The following FBXO15 variants were observed in gnomAD, a reference collection of about 807,000 sequenced individuals.
FBXO15 encodes F-box protein 15, also known as F-box only protein 15.
Under a neutral mutation model 49.5 loss-of-function variants are expected in FBXO15, and 30 were observed. The observed-to-expected ratio is 0.61, with a 90% confidence interval of 0.45 to 0.82. FBXO15 has a LOEUF of 0.82. Among genes scored for constraint, FBXO15 ranks in the 40% least tolerant of loss-of-function variants. FBXO15 has a pLI of 0.00. For synonymous variants in FBXO15, 250 were observed against 232.7 expected, an observed-to-expected ratio of 1.07 and a Z score of -0.68; for missense variants, 591 against 631.5, an observed-to-expected ratio of 0.94 and a Z score of 0.69.
At chr18:74,133,333 G>C (rs12605154) in intron 3 of FBXO15, among the ~76,000 whole-genome samples, 7,546 of 152,202 alleles carry the variant, frequency 0.05, 265 homozygotes, top group East Asian at 0.12. Context: ...AACATCACTA[G>C]AGCCATGCTC....
chr18:74,086,922 C>A (rs1912766520), intron 8 of FBXO15, among the ~76,000 whole-genome samples: 1 of 152,174 alleles, frequency 6.6e-6, no homozygotes, highest in Admixed American at 6.5e-5. Context: ...ACAAGCATAT[C>A]TCAGACGTAC....
chr18:74,127,770 G>T (rs1266364942), intron 5 of FBXO15, among the ~76,000 whole-genome samples: 2 of 152,208 alleles, frequency 1.3e-5, no homozygotes, highest in African/African-American at 4.8e-5. Flanking sequence ...TGGGCACTAT[G>T]TAGTATCTAT....
rs368269522 is a variant in FBXO15, at chr18:74,087,020, A to C, written c.1139-4969T>G. On this transcript the variant is annotated intron_variant, in intron 8 of 9. Coordinates refer to ENST00000419743, the MANE Select transcript of FBXO15 (RefSeq NM_001142958.2). ...TTTTCTGGTTTCCCAATGCATATAA[A>C]AGTTATGTTTATACTATACTCTTTT... Among the ~76,000 whole-genome samples the C allele has an allele frequency of 3.9e-5, 6 of 152,326 alleles. No individual in the cohort carries two copies. The East Asian group carries it at 9.6e-4, about 24-fold the overall frequency.
chr18:74,081,253 G>A (rs147862921), intron 9 of FBXO15, among the ~76,000 whole-genome samples: 34 of 152,332 alleles, frequency 2.2e-4, no homozygotes, highest in African/African-American at 7.2e-4. Flanking sequence ...GGCCCCCGCA[G>A]TCACAGGAGA....
intron 3 of FBXO15, among the ~76,000 whole-genome samples, chr18:74,131,025 A>G (rs1568178594): frequency 6.6e-6 from 1 of 152,236 alleles, no homozygotes; most frequent in Non-Finnish European, 1.5e-5. Flanking sequence ...TTGTTTTTAA[A>G]TACATACATG....
chr18:74,082,167 G>T, intron 8 of FBXO15, 116 bp from the exon 9 acceptor site: 1 of 1,014,934 alleles, frequency 9.9e-7, no homozygotes. Flanking sequence ...TGGCCTCAGC[G>T]ATGAGGGCAA....
chr18:74,144,887 C>T (rs1421831984), intron 1 of FBXO15, among the ~76,000 whole-genome samples: 1 of 152,102 alleles, frequency 6.6e-6, no homozygotes, highest in Non-Finnish European at 1.5e-5. Context: ...ACTTGTGTGT[C>T]CCGAATTTAT....
chr18:74,091,016 T>C (rs1049336805), intron 8 of FBXO15, among the ~76,000 whole-genome samples: 4 of 152,208 alleles, frequency 2.6e-5, no homozygotes, highest in African/African-American at 7.2e-5. Flanking sequence ...CTATTATTGT[T>C]TGGTTATCTA....
Position 74,123,477 on chromosome 18 carries a change from C to A in FBXO15, c.1029G>T (p.Leu343Phe). ...PYELPPHSPFLDDSPEYGLHG... is the reference protein window; with the variant it reads ...PYELPPHSPFFDDSPEYGLHG... ...GCAGTCCATACTCGGGGCTATCATC[C>A]AAAAAGGGGCTATGTGGAGGCAGTT... The change falls in exon 8 of 10, where the codon TTG becomes TTT. Residue 343 changes from leucine (L) to phenylalanine (F), a missense_variant. Physicochemically the swap from Leu to Phe is conservative, Grantham distance 22. Coordinates refer to ENST00000419743, the MANE Select transcript of FBXO15 (RefSeq NM_001142958.2). 6.2e-7 allele frequency: 1 copy of A among 1,611,228 alleles called. No homozygotes were observed. Among genetic ancestry groups the A allele is most frequent in the Non-Finnish European group, 8.5e-7 (1 of 1,179,054 alleles).
chr18:74,141,640 C>G (rs1209250575), intron 1 of FBXO15, among the ~76,000 whole-genome samples: 1 of 152,068 alleles, frequency 6.6e-6, no homozygotes. Flanking sequence ...TGAACCAACC[C>G]CCCTGAAAGC....
intron 8 of FBXO15, among the ~76,000 whole-genome samples, chr18:74,116,906 T>C (rs17205450): frequency 0.021 from 3,120 of 152,104 alleles, 45 homozygotes; most frequent in South Asian, 0.043. Flanking sequence ...CGAGCCAGGC[T>C]TCACAGGTCT....
At chr18:74,080,862 T>C (rs1327686778) in intron 9 of FBXO15, among the ~76,000 whole-genome samples, 1 of 152,226 alleles carries the variant, frequency 6.6e-6, no homozygotes, top group Non-Finnish European at 1.5e-5. Context: ...CAAATTATTT[T>C]TAAAAATTAT....
intron 6 of FBXO15, 113 bp from the exon 7 acceptor site, chr18:74,124,684 A>G (rs776097736): frequency 2.4e-6 from 2 of 849,276 alleles, no homozygotes; most frequent in Non-Finnish European, 4.0e-6. Flanking sequence ...ACTTTCTTAC[A>G]AACATAAGAT....
intron 8 of FBXO15, 106 bp from the exon 9 acceptor site, chr18:74,082,157 T>C: frequency 8.1e-7 from 1 of 1,227,376 alleles, no homozygotes; most frequent in Non-Finnish European, 1.1e-6. Context: ...TGGTAAGCCC[T>C]GGCCTCAGCG....
chr18:74,141,272 C>T (rs958642633), intron 1 of FBXO15, among the ~76,000 whole-genome samples: 10 of 152,168 alleles, frequency 6.6e-5, no homozygotes, highest in African/African-American at 2.2e-4. Context: ...CAGCTCACAG[C>T]CTCCATGTCT....
intron 8 of FBXO15, among the ~76,000 whole-genome samples, chr18:74,104,510 C>T (rs1306304816): frequency 2.6e-5 from 4 of 152,014 alleles, no homozygotes; most frequent in African/African-American, 9.7e-5. Context: ...GAAATAGAAT[C>T]TAACTATATG....
intron 1 of FBXO15, among the ~76,000 whole-genome samples, chr18:74,145,310 T>C (rs909802260): frequency 3.3e-5 from 5 of 152,120 alleles, no homozygotes; most frequent in Admixed American, 2.0e-4. Flanking sequence ...TTTCACACTT[T>C]TAAAACGTCA....
At chr18:74,078,883 G>A (rs1464585626) in intron 9 of FBXO15, among the ~76,000 whole-genome samples, 5 of 152,116 alleles carry the variant, frequency 3.3e-5, no homozygotes, top group East Asian at 3.9e-4. Flanking sequence ...TTCTTCCTGC[G>A]ATTTTCGGTT....
rs1435232448 is a variant in FBXO15 at position 74,147,665 on chromosome 18, G to T, written c.116+5C>A. 3 of 1,453,890 alleles carry T rather than the reference G, an allele frequency of 2.1e-6. No individual in the cohort carries two copies. Among genetic ancestry groups the T allele is most frequent in the Non-Finnish European group, 2.7e-6 (3 of 1,107,728 alleles). The allele number at this position is 1,453,890 out of a possible 1,614,324, so 90.1% of individuals were successfully genotyped here. A position where few individuals can be genotyped will look rare whatever the true frequency, so the allele number is the denominator to read the frequency against. On this transcript the variant is annotated splice_donor_5th_base_variant and intron_variant, in intron 1 of 9. Coordinates refer to ENST00000419743, the MANE Select transcript of FBXO15 (RefSeq NM_001142958.2). ...GGGGACCCCACCCGCAGGCCCTACA[G>T]TCACCTGCACCCAAAGGCCCTGGCG...
Sources: gnomAD v4.1 joint callset for allele counts (sites outside exome capture counted in the v4.1 genomes callset) on GRCh38, gnomAD v4.1.1 for gene constraint, MANE v1.5 for transcripts, NCBI Gene and HGNC (gene_info 2026-07-23, HGNC 2026-07-21) for gene names.